TNIP3: variants seen among roughly 807,000 people sequenced by gnomAD.
TNIP3 encodes TNFAIP3 interacting protein 3.
TNIP3 carries 34 observed loss-of-function variants against 54.1 expected under a neutral mutation model. That is an observed-to-expected ratio of 0.63 (90% confidence interval 0.48 to 0.84). The LOEUF (loss-of-function observed/expected upper bound fraction) is 0.84, where lower values mean the gene tolerates loss of function less well. Among genes scored for constraint, TNIP3 ranks in the 40% least tolerant of loss-of-function variants. The pLI, the probability that TNIP3 is intolerant of heterozygous loss-of-function variation, is 0.00. For synonymous variants in TNIP3, 134 were observed against 136.8 expected (o/e 0.98, Z 0.14); for missense variants, 366 against 387.6 (o/e 0.94, Z 0.47).
intron 2 of TNIP3, among the ~76,000 whole-genome samples, chr4:121,208,076 G>A (rs1006634117): frequency 1.3e-5 from 2 of 152,122 alleles, no homozygotes; most frequent in African/African-American, 4.8e-5. Context: ...CAGCCTTGCA[G>A]AACTGTAAGT....
chr4:121,172,996 TTAATGC>T (rs1724061359), intron 3 of TNIP3, among the ~76,000 whole-genome samples: 2 of 152,212 alleles, frequency 1.3e-5, no homozygotes, highest in Admixed American at 1.3e-4. Flanking sequence ...AGAGGCAGCT[TTAATGC>T]TAATGAGGAC....
chr4:121,139,526 AT>A (rs1307763906), intron 9 of TNIP3, among the ~76,000 whole-genome samples: 1 of 152,136 alleles, frequency 6.6e-6, no homozygotes, highest in African/African-American at 2.4e-5. Context: ...GAGAATATAG[AT>A]TTTTTTGTTG....
chr4:121,173,090 C>A (rs13123960), intron 3 of TNIP3, among the ~76,000 whole-genome samples: 35,879 of 152,030 alleles, frequency 0.24, 4,413 homozygotes, highest in Middle Eastern at 0.29. Flanking sequence ...CATATCAGAG[C>A]TCATTTAGTC....
chr4:121,186,940 T>C (rs958222054), intron 2 of TNIP3, among the ~76,000 whole-genome samples: 7 of 152,236 alleles, frequency 4.6e-5, no homozygotes, highest in African/African-American at 1.7e-4. Flanking sequence ...AATTTGTACA[T>C]GAAAATATTT....
exon 1 of TNIP3, chr4:121,227,454 C>T: frequency 1.5e-6 from 2 of 1,359,140 alleles, no homozygotes; most frequent in Non-Finnish European, 2.0e-6. Flanking sequence ...GGAGACCTGT[C>T]TTTAAGACTC....
chr4:121,135,019 C>G (rs1474923169), intron 10 of TNIP3, among the ~76,000 whole-genome samples: 1 of 152,090 alleles, frequency 6.6e-6, no homozygotes. Flanking sequence ...GATCTCCCAG[C>G]TGGGCTGTCT....
At chr4:121,194,640 C>T (rs1305040523) in intron 2 of TNIP3, among the ~76,000 whole-genome samples, 1 of 152,138 alleles carries the variant, frequency 6.6e-6, no homozygotes, top group East Asian at 1.9e-4. Flanking sequence ...GAAATACTCC[C>T]ATCATAATAT....
intron 2 of TNIP3, among the ~76,000 whole-genome samples, chr4:121,211,863 G>A (rs2148847434): frequency 6.6e-6 from 1 of 152,310 alleles, no homozygotes; most frequent in Middle Eastern, 3.4e-3. Flanking sequence ...CAGGTTGTCT[G>A]TGGCCTGCCT....
chr4:121,210,399 T>C (rs925954369), intron 2 of TNIP3, among the ~76,000 whole-genome samples: 2 of 152,218 alleles, frequency 1.3e-5, no homozygotes, highest in Non-Finnish European at 2.9e-5. Flanking sequence ...CCTGGACTTC[T>C]AGATGTTTAT....
chr4:121,215,426 G>T (rs577897780), intron 2 of TNIP3, among the ~76,000 whole-genome samples: 1 of 152,276 alleles, frequency 6.6e-6, no homozygotes, highest in South Asian at 2.1e-4. Context: ...TAAATTCTCA[G>T]CTATTTAGTC....
intron 3 of TNIP3, among the ~76,000 whole-genome samples, chr4:121,171,125 T>C (rs1473558665): frequency 1.3e-5 from 2 of 152,190 alleles, no homozygotes; most frequent in African/African-American, 4.8e-5. Context: ...CAGTAAGGGA[T>C]ATCTTTTGTC....
chr4:121,176,517 GA>G (rs1724356869), intron 3 of TNIP3, among the ~76,000 whole-genome samples: 1 of 39,168 alleles, frequency 2.6e-5, no homozygotes, highest in African/African-American at 5.7e-5. Flanking sequence ...CTAGCATTAT[GA>G]TGATGATGAT....
intron 2 of TNIP3, among the ~76,000 whole-genome samples, chr4:121,198,438 G>A (rs1202172521): frequency 6.6e-6 from 1 of 152,124 alleles, no homozygotes; most frequent in Admixed American, 6.5e-5. Context: ...GAGCTACAGT[G>A]CAAAATTTCT....
chr4:121,154,821 C>T (rs1468951197), intron 4 of TNIP3, 142 bp from the exon 5 acceptor site: 2 of 683,010 alleles, frequency 2.9e-6, no homozygotes, highest in East Asian at 2.9e-5. Flanking sequence ...ACCTGCAAGA[C>T]TTTAAACTTA....
chr4:121,165,852 G>A (rs185620410), upstream of TNIP3, among the ~76,000 whole-genome samples: 4 of 152,110 alleles, frequency 2.6e-5, no homozygotes, highest in Non-Finnish European at 5.9e-5. Context: ...TGACTTTAGG[G>A]TACAGAAGCA....
Position 121,150,111 on chromosome 4 carries a change from T to C in TNIP3, c.601A>G (p.Lys201Glu), listed in dbSNP as rs1363870252. Residue 201 changes from lysine (K) to glutamate (E), a missense_variant, in exon 6 of 11, where the codon AAG becomes GAG. Transcript: ENST00000057513. ...EEMRTEMEVL[K>E]QQVQIYEEDF... ...CACTTCCAGCTTCTCACCTGCTGCT[T>C]CAGAACTTCCATTTCTGTTCTCATC... The C allele has an allele frequency of 6.2e-7, 1 of 1,611,440 alleles. No homozygotes were observed. Among genetic ancestry groups the C allele is most frequent in the Non-Finnish European group, 8.5e-7 (1 of 1,177,924 alleles).
At chr4:121,139,944 A>C (rs1014079304) in intron 9 of TNIP3, among the ~76,000 whole-genome samples, 2 of 152,262 alleles carry the variant, frequency 1.3e-5, no homozygotes, top group Admixed American at 6.5e-5. Flanking sequence ...GATATAGACA[A>C]GAAACATGAA....
intron 2 of TNIP3, among the ~76,000 whole-genome samples, chr4:121,214,628 A>G (rs559847247): frequency 2.6e-5 from 4 of 152,160 alleles, no homozygotes; most frequent in South Asian, 2.1e-4. Flanking sequence ...TCTTGTCTAC[A>G]CGGTGAAATT....
chr4:121,189,943 G>A (rs1725215775), intron 2 of TNIP3, among the ~76,000 whole-genome samples: 1 of 152,146 alleles, frequency 6.6e-6, no homozygotes, highest in South Asian at 2.1e-4. Context: ...TCTTGTGGCT[G>A]TGCCCAGGAG....
Sources: allele counts gnomAD v4.1 joint callset (sites outside exome capture counted in the v4.1 genomes callset), GRCh38; gene constraint gnomAD v4.1.1; transcripts MANE v1.5; gene names NCBI Gene and HGNC (gene_info 2026-07-23, HGNC 2026-07-21).